The following ADGRB3 variants were observed in gnomAD, a reference collection of about 807,000 sequenced individuals.
ADGRB3 encodes the protein brain-specific angiogenesis inhibitor 3.
A neutral mutation model predicts 193.4 loss-of-function variants in ADGRB3; 37 were observed. That is an observed-to-expected ratio of 0.19 (90% CI 0.15 to 0.25). The LOEUF is 0.25. ADGRB3 is among the 10% of genes least tolerant of loss of function. The probability of loss-of-function intolerance (pLI) is 1.00; values close to 1 mark genes in which losing one functional copy is unlikely to be tolerated. For synonymous variants in ADGRB3, 690 were observed against 644.2 expected, an observed-to-expected ratio of 1.07 and a Z score of -1.08; for missense variants, 1,637 against 1,852.9, an observed-to-expected ratio of 0.88 and a Z score of 2.14.
chr6:68,806,227 T>C (rs755670338), intron 3 of ADGRB3, among the ~76,000 whole-genome samples: 1 of 152,220 alleles, frequency 6.6e-6, no homozygotes, highest in Non-Finnish European at 1.5e-5. Flanking sequence ...AATTCCAGAA[T>C]GTAGTAAGTC....
chr6:68,883,464 A>C (rs138553357), intron 3 of ADGRB3, among the ~76,000 whole-genome samples: 2 of 152,308 alleles, frequency 1.3e-5, no homozygotes, highest in East Asian at 3.9e-4. Context: ...TGCTCTTTGC[A>C]ATAAATCTTG....
chr6:68,783,924 A>G (rs1428500612), intron 3 of ADGRB3, among the ~76,000 whole-genome samples: 1 of 152,016 alleles, frequency 6.6e-6, no homozygotes, highest in African/African-American at 2.4e-5. Flanking sequence ...ATGTACCATC[A>G]GCTGCATCTG....
Position 68,729,206 on chromosome 6 carries a change from GGTAGAGCTACT to G in ADGRB3, c.757+89777_757+89787del, listed in dbSNP as rs1765727340. On this transcript the variant is annotated intron_variant, in intron 3 of 31. Transcript: ENST00000370598. Reference sequence around the variant, plus strand: ...CCTTCTCTGGGCTGTGTGCTTAGATGGTAGAGCTACTGTGAAAGCTTTCCTTGGTAGCTTTC... The same window carrying G: ...CCTTCTCTGGGCTGTGTGCTTAGATGGTGAAAGCTTTCCTTGGTAGCTTTC... 5.9e-5 allele frequency among the ~76,000 whole-genome samples: 9 copies of G among 151,632 alleles called. No individual in the cohort carries two copies. In the South Asian group the frequency reaches 1.9e-3, roughly 31 times the overall value.
intron 5 of ADGRB3, among the ~76,000 whole-genome samples, chr6:68,940,858 C>G (rs908914747): frequency 6.6e-6 from 1 of 152,078 alleles, no homozygotes; most frequent in African/African-American, 2.4e-5. Context: ...TGCCACTGCA[C>G]TCCAGCCTGG....
intron 20 of ADGRB3, among the ~76,000 whole-genome samples, chr6:69,266,260 T>C (rs1199428968): frequency 6.6e-6 from 1 of 151,994 alleles, no homozygotes; most frequent in African/African-American, 2.4e-5. Context: ...GTGTTAATTA[T>C]CTCTTATTGA....
At position 69,284,711 on chromosome 6, in the gene ADGRB3, A is replaced by G. The variant is rs573289909; in HGVS notation, c.2815-40161A>G. On this transcript the variant is annotated intron_variant, in intron 20 of 31. Coordinates refer to ENST00000370598, the MANE Select transcript of ADGRB3 (RefSeq NM_001704.3). ...TGATTTATTATGAATTTTGCCACTTAACCTGACAATTGACTGAAGGTGCTT... is the reference window on the plus strand; with the variant it reads ...TGATTTATTATGAATTTTGCCACTTGACCTGACAATTGACTGAAGGTGCTT... Among the ~76,000 whole-genome samples, 14 of 152,284 alleles carry G rather than the reference A, an allele frequency of 9.2e-5. 1 individual carries two copies. The South Asian group carries it at 2.9e-3, about 32-fold the overall frequency.
chr6:69,017,436 TATATAA>T (rs1770126667), intron 12 of ADGRB3, among the ~76,000 whole-genome samples: 1 of 152,102 alleles, frequency 6.6e-6, no homozygotes, highest in East Asian at 1.9e-4. Flanking sequence ...CTAAAGTGGT[TATATAA>T]TGCAGGATGA....
chr6:69,084,106 C>A (rs534997570), intron 17 of ADGRB3, among the ~76,000 whole-genome samples: 8 of 152,060 alleles, frequency 5.3e-5, no homozygotes, highest in Non-Finnish European at 1.2e-4. Flanking sequence ...TCATTGAGTT[C>A]TCTGTCCATT....
chr6:68,676,377 G>A (rs568870298), intron 3 of ADGRB3, among the ~76,000 whole-genome samples: 1 of 127,432 alleles, frequency 7.8e-6, no homozygotes, highest in Admixed American at 9.0e-5. Context: ...GCGACAGAGA[G>A]AGACTCTGTC....
Position 69,077,920 on chromosome 6 carries a change from T to A in ADGRB3, c.2480+1882T>A, listed in dbSNP as rs530727270. Among the ~76,000 whole-genome samples the A allele has an allele frequency of 2.0e-4, 31 of 152,110 alleles. No homozygotes were observed. The South Asian group carries it at 6.4e-3, about 32-fold the overall frequency. ...CTTTCCCATCACAGTTTTCGCTAGATTGTTTCATTATTAAAAGTGTTTTTC... is the reference window on the plus strand; with the variant it reads ...CTTTCCCATCACAGTTTTCGCTAGAATGTTTCATTATTAAAAGTGTTTTTC... On this transcript the variant is annotated intron_variant, in intron 17 of 31. Coordinates refer to ENST00000370598, the MANE Select transcript of ADGRB3 (RefSeq NM_001704.3).
intron 11 of ADGRB3, among the ~76,000 whole-genome samples, chr6:69,010,752 G>A (rs1769906730): frequency 6.9e-6 from 1 of 143,896 alleles, no homozygotes; most frequent in Non-Finnish European, 1.5e-5. Context: ...ATCAGTCTAG[G>A]TCATGGAGAT....
At position 69,016,844 on chromosome 6, in the gene ADGRB3, C is replaced by T. The variant is rs181580370; in HGVS notation, c.1999-1547C>T. On this transcript the variant is annotated intron_variant, in intron 12 of 31. Transcript: ENST00000370598. ...AGAGTGGGGTTGAGGGAGGGAGAGA[C>T]TCTTCCCTTATTTTCAACACAAAAA... Among the ~76,000 whole-genome samples, 321 of 151,892 alleles carry T rather than the reference C, an allele frequency of 2.1e-3. 1 individual carries two copies. The highest frequency in any genetic ancestry group is 7.4e-3 in the African/African-American group (305 of 41,468).
intron 17 of ADGRB3, among the ~76,000 whole-genome samples, chr6:69,143,850 G>C (rs1281849868): frequency 6.6e-6 from 1 of 152,098 alleles, no homozygotes; most frequent in Admixed American, 6.5e-5. Flanking sequence ...GCTCAGGACA[G>C]CTTTGACTAT....
At chr6:68,938,079 G>A (rs1319611895) in intron 5 of ADGRB3, among the ~76,000 whole-genome samples, 1 of 152,088 alleles carries the variant, frequency 6.6e-6, no homozygotes, top group East Asian at 1.9e-4. Context: ...TAAAAGCTAA[G>A]CAGGGCAGAA....
At chr6:69,166,612 TG>T (rs1043659213) in intron 17 of ADGRB3, among the ~76,000 whole-genome samples, 2 of 152,068 alleles carry the variant, frequency 1.3e-5, no homozygotes, top group Non-Finnish European at 2.9e-5. Context: ...ATTGGAGCTG[TG>T]GGGGTTAATG....
chr6:69,182,600 C>T (rs904112375), intron 17 of ADGRB3, among the ~76,000 whole-genome samples: 1 of 151,884 alleles, frequency 6.6e-6, no homozygotes, highest in African/African-American at 2.4e-5. Context: ...ATTATTTTTT[C>T]CCTTATTTTT....
intron 26 of ADGRB3, among the ~76,000 whole-genome samples, chr6:69,351,744 T>C (rs949503646): frequency 6.6e-6 from 1 of 152,140 alleles, no homozygotes; most frequent in Non-Finnish European, 1.5e-5. Context: ...TTCTTTTACA[T>C]CTCCTTCAAG....
intron 12 of ADGRB3, among the ~76,000 whole-genome samples, chr6:69,015,299 T>C (rs1209257260): frequency 2.0e-5 from 3 of 151,986 alleles, no homozygotes; most frequent in Non-Finnish European, 4.4e-5. Flanking sequence ...CTTTAACAAA[T>C]AATGAATGGT....
intron 20 of ADGRB3, among the ~76,000 whole-genome samples, chr6:69,244,975 A>G (rs370229135): frequency 6.6e-6 from 1 of 152,008 alleles, no homozygotes. Flanking sequence ...CTCATGTCCA[A>G]TTTCCTGCTC....
Sources: allele counts gnomAD v4.1 joint callset (sites outside exome capture counted in the v4.1 genomes callset), GRCh38; gene constraint gnomAD v4.1.1; transcripts MANE v1.5; gene names NCBI Gene and HGNC (gene_info 2026-07-23, HGNC 2026-07-21).